Variants in PKNOX1 observed in about 807,000 individuals in gnomAD.
PKNOX1 encodes the protein PBX/knotted 1 homeobox 1.
PKNOX1 carries 15 observed loss-of-function variants against 51.9 expected under a neutral mutation model. That is an observed-to-expected ratio of 0.29 (90% CI 0.19 to 0.45). The LOEUF (loss-of-function observed/expected upper bound fraction) is 0.45. Among genes scored for constraint, PKNOX1 ranks in the 20% least tolerant of loss-of-function variants. The pLI is 1.00. For missense variants in PKNOX1, 462 were observed against 547.5 expected, an observed-to-expected ratio of 0.84 and a Z score of 1.56; for synonymous variants, 219 against 211.1, an observed-to-expected ratio of 1.04 and a Z score of -0.32.
At chr21:43,019,046 C>A (rs1444299939) in intron 7 of PKNOX1, among the ~76,000 whole-genome samples, 1 of 145,282 alleles carries the variant, frequency 6.9e-6, no homozygotes, top group African/African-American at 2.6e-5. Context: ...GATCGTGCCA[C>A]TGCACTCCAG....
chr21:42,988,063 T>C (rs1002536290), intron 1 of PKNOX1, among the ~76,000 whole-genome samples: 1 of 104,752 alleles, frequency 9.5e-6, no homozygotes, highest in African/African-American at 3.3e-5. Context: ...TGTTTTTGTT[T>C]TTGTTTTTGA....
intron 1 of PKNOX1, among the ~76,000 whole-genome samples, chr21:42,995,335 C>T (rs562022582): frequency 6.6e-6 from 1 of 152,256 alleles, no homozygotes; most frequent in Admixed American, 6.6e-5. Flanking sequence ...GCACAGAAGC[C>T]AGTAGAGTGT....
chr21:43,010,871 AAAAAT>A (rs551350083), intron 4 of PKNOX1, among the ~76,000 whole-genome samples: 13 of 152,032 alleles, frequency 8.6e-5, no homozygotes, highest in East Asian at 3.9e-4. Flanking sequence ...CTCAAAAAAT[AAAAAT>A]AAAATAAAAT....
chr21:43,030,947 G>C lies in PKNOX1; in HGVS notation c.*846G>C, dbSNP rs17179001. 2.0e-5 allele frequency: 3 copies of C among 152,118 alleles called. No homozygotes were observed. Among genetic ancestry groups the C allele is most frequent in the African/African-American group, 4.8e-5 (2 of 41,396 alleles). The allele number at this position is 152,118 out of a possible 1,614,324, so 9.4% of individuals were successfully genotyped here. ...GAAATTTTGATATCTGCAAATTTTT[G>C]TTGATATGTAATGCTCAGATTGCAT... On this transcript the variant is annotated 3_prime_UTR_variant, in exon 11 of 11. Coordinates refer to ENST00000291547, the MANE Select transcript of PKNOX1 (RefSeq NM_004571.5).
At chr21:43,018,037 C>T (rs146949396) in intron 6 of PKNOX1, 96 bp from the exon 7 acceptor site, 86 of 622,386 alleles carry the variant, frequency 1.4e-4, no homozygotes, top group African/African-American at 1.4e-3. Flanking sequence ...AAGCAATGTC[C>T]CTGTCTCTAC....
chr21:43,033,551 A>G lies in PKNOX1; in HGVS notation c.*3450A>G, dbSNP rs572950599. The G allele has an allele frequency of 2.0e-5, 3 of 152,744 alleles. No homozygotes were observed. The highest frequency in any genetic ancestry group is 2.0e-4 in the Admixed American group (3 of 15,310). The allele number at this position is 152,744 out of a possible 1,614,324, so 9.5% of individuals were successfully genotyped here. On this transcript the variant is annotated 3_prime_UTR_variant, in exon 11 of 11. Transcript: ENST00000291547. ...TTTTGTGAAGCAATTGATTTATCAA[A>G]GCAAAAAAATTAAAAATAGAAACTT...
intron 1 of PKNOX1, among the ~76,000 whole-genome samples, chr21:42,994,804 A>G (rs1262274327): frequency 1.3e-5 from 2 of 151,926 alleles, no homozygotes; most frequent in Non-Finnish European, 2.9e-5. Context: ...ATATAATACT[A>G]TATATTCACA....
At chr21:42,993,540 A>G (rs1978335292) in intron 1 of PKNOX1, among the ~76,000 whole-genome samples, 1 of 150,956 alleles carries the variant, frequency 6.6e-6, no homozygotes, top group Non-Finnish European at 1.5e-5. Context: ...TTTTTTCACA[A>G]TTCTAAAACT....
intron 1 of PKNOX1, among the ~76,000 whole-genome samples, chr21:42,990,253 C>T (rs947250986): frequency 7.2e-5 from 11 of 151,910 alleles, no homozygotes; most frequent in African/African-American, 1.7e-4. Flanking sequence ...AGCAAGACTC[C>T]GTCATAAATG....
At chr21:43,012,426 G>T (rs1028158185) in intron 4 of PKNOX1, among the ~76,000 whole-genome samples, 1 of 152,130 alleles carries the variant, frequency 6.6e-6, no homozygotes, top group African/African-American at 2.4e-5. Context: ...TGGGCATGGT[G>T]GTGCACACCT....
intron 1 of PKNOX1, among the ~76,000 whole-genome samples, chr21:42,975,107 CGCGGCGGGGCGGGGCCGGGGCGG>C (rs1428666681): frequency 7.0e-6 from 1 of 142,982 alleles, no homozygotes; most frequent in African/African-American, 2.5e-5. Context: ...GTCGGGGGCG[CGCGGCGGGGCGGGGCCGGGGCGG>C]GCGGCGCGCG....
At chr21:43,019,158 C>T (rs370205273) in intron 7 of PKNOX1, among the ~76,000 whole-genome samples, 6 of 150,578 alleles carry the variant, frequency 4.0e-5, no homozygotes. Flanking sequence ...TTTGGGAGGC[C>T]GAGATGGGTG....
intron 1 of PKNOX1, among the ~76,000 whole-genome samples, chr21:42,990,473 C>G (rs543533723): frequency 6.6e-6 from 1 of 152,216 alleles, no homozygotes; most frequent in African/African-American, 2.4e-5. Flanking sequence ...GATAAAGGTG[C>G]TAACCCCCAG....
rs563834382 is a variant in PKNOX1 at position 43,024,985 on chromosome 21, C to T, written c.926+38C>T. 47 of 1,280,634 alleles carry T rather than the reference C, an allele frequency of 3.7e-5. No individual in the cohort carries two copies. In the East Asian group the frequency reaches 4.2e-4, roughly 11 times the overall value. The allele number at this position is 1,280,634 out of a possible 1,614,324, so 79.3% of individuals were successfully genotyped here. ...GCTTCCTGAAATCATGCTGTCAGCA[C>T]GGTAGAGCACTTGGAAACCCTGGCA... On this transcript the variant is annotated intron_variant, in intron 9 of 10. Transcript: ENST00000291547.
At chr21:43,013,649 T>G (rs2146275636) in intron 5 of PKNOX1, among the ~76,000 whole-genome samples, 1 of 152,292 alleles carries the variant, frequency 6.6e-6, no homozygotes, top group Admixed American at 6.5e-5. Flanking sequence ...TCTCCAGAAC[T>G]TTCTCATCTT....
chr21:43,028,584 T>G, intron 9 of PKNOX1, 118 bp from the exon 10 acceptor site: 1 of 884,770 alleles, frequency 1.1e-6, no homozygotes, highest in Non-Finnish European at 1.8e-6. Context: ...GTGGAGAACT[T>G]GAGTCATTCT....
At chr21:43,004,297 A>G (rs1053261248) in intron 1 of PKNOX1, 29 bp from the exon 2 acceptor site, 19 of 934,286 alleles carry the variant, frequency 2.0e-5, no homozygotes, top group Admixed American at 5.4e-5. Flanking sequence ...ACAACTATTA[A>G]CTGATGCTTT....
chr21:43,025,452 G>A lies in PKNOX1; in HGVS notation c.926+505G>A, dbSNP rs146671874. ...GACCCTCTGCCACTCTTTCTTGTGG[G>A]GGTCCTGCTCCACAGAAGAGTCTGG... is the stretch of plus-strand genomic sequence containing the variant. On this transcript the variant is annotated intron_variant, in intron 9 of 10. Transcript: ENST00000291547. Among the ~76,000 whole-genome samples the A allele has an allele frequency of 3.4e-3, 513 of 152,308 alleles. 2 individuals carry two copies. The highest frequency in any genetic ancestry group is 6.2e-3 in the South Asian group (30 of 4,826).
At chr21:43,013,748 T>C (rs1044917299) in intron 5 of PKNOX1, among the ~76,000 whole-genome samples, 1 of 152,290 alleles carries the variant, frequency 6.6e-6, no homozygotes, top group Admixed American at 6.5e-5. Context: ...TGTCTGTCTC[T>C]GTGAATTCGA....
Sources: allele counts gnomAD v4.1 joint callset (sites outside exome capture counted in the v4.1 genomes callset), GRCh38; gene constraint gnomAD v4.1.1; transcripts MANE v1.5; gene names NCBI Gene and HGNC (gene_info 2026-07-23, HGNC 2026-07-21).